The following EPHA6 variants were observed in gnomAD, a reference collection of about 807,000 sequenced individuals.
The protein encoded by EPHA6 is EPH receptor A6.
Under a neutral mutation model 112.0 loss-of-function variants are expected in EPHA6, and 50 were observed. That is an observed-to-expected ratio of 0.45 (90% CI 0.36 to 0.56). The LOEUF is 0.56. Ranked by LOEUF, EPHA6 falls within the 20% of genes least tolerant of loss-of-function variation. The pLI, the probability that EPHA6 is intolerant of heterozygous loss-of-function variation, is 0.00. For synonymous variants in EPHA6, 529 were observed against 490.7 expected, an observed-to-expected ratio of 1.08 and a Z score of -1.03; for missense variants, 1,280 against 1,417.4, an observed-to-expected ratio of 0.90 and a Z score of 1.56.
intron 2 of EPHA6, among the ~76,000 whole-genome samples, chr3:96,977,541 A>C (rs1350840785): frequency 6.6e-6 from 1 of 152,200 alleles, no homozygotes; most frequent in Non-Finnish European, 1.5e-5. Context: ...TTATCATTTA[A>C]AAATATTAAG....
At chr3:97,121,603 C>T (rs767454391) in intron 3 of EPHA6, among the ~76,000 whole-genome samples, 1 of 152,002 alleles carries the variant, frequency 6.6e-6, no homozygotes, top group African/African-American at 2.4e-5. Flanking sequence ...CCATTGTTAC[C>T]ACGTGATGGA....
intron 3 of EPHA6, among the ~76,000 whole-genome samples, chr3:97,116,306 C>A (rs1167292928): frequency 1.3e-5 from 2 of 151,498 alleles, no homozygotes; most frequent in African/African-American, 4.8e-5. Context: ...AAAATGATGA[C>A]CACAGTAAAT....
chr3:97,648,938 A>G (rs2107602624), intron 14 of EPHA6, among the ~76,000 whole-genome samples: 1 of 152,040 alleles, frequency 6.6e-6, no homozygotes, highest in South Asian at 2.1e-4. Flanking sequence ...CTCTAACTCT[A>G]CCCTAGTTCA....
chr3:97,030,265 C>G (rs993017082), intron 3 of EPHA6, among the ~76,000 whole-genome samples: 1 of 152,080 alleles, frequency 6.6e-6, no homozygotes, highest in African/African-American at 2.4e-5. Flanking sequence ...GGACACTCAT[C>G]AAATCATTTG....
intron 12 of EPHA6, among the ~76,000 whole-genome samples, chr3:97,606,459 T>C (rs2093680812): frequency 6.6e-6 from 1 of 151,204 alleles, no homozygotes. Context: ...AAGGGTTTAA[T>C]AAAGTGAGGA....
intron 10 of EPHA6, among the ~76,000 whole-genome samples, chr3:97,530,623 T>A (rs1402149233): frequency 6.6e-6 from 1 of 151,980 alleles, no homozygotes; most frequent in Non-Finnish European, 1.5e-5. Context: ...ATTATTCTTG[T>A]GTTTGTTGCC....
chr3:97,264,505 C>A (rs1207869194), intron 5 of EPHA6, among the ~76,000 whole-genome samples: 1 of 152,186 alleles, frequency 6.6e-6, no homozygotes, highest in Non-Finnish European at 1.5e-5. Context: ...CTGCAGGGAC[C>A]CAAAGAGGGA....
chr3:97,696,875 A>G (rs1047884457), intron 14 of EPHA6, among the ~76,000 whole-genome samples: 5 of 152,168 alleles, frequency 3.3e-5, no homozygotes, highest in African/African-American at 1.2e-4. Context: ...GCCAAGCCTC[A>G]ACCATTGCTG....
Position 97,180,610 on chromosome 3 carries a change from G to T in EPHA6, c.1115-45654G>T, listed in dbSNP as rs890047279. Reference sequence around the variant, plus strand: ...CTGGGTCTTTTCCTTCAAGGTAGCAGGTTTCCCTCTGACCTAGAGTGTGTC... The same window carrying T: ...CTGGGTCTTTTCCTTCAAGGTAGCATGTTTCCCTCTGACCTAGAGTGTGTC... On this transcript the variant is annotated intron_variant, in intron 3 of 17. Transcript: ENST00000389672. 2.0e-5 allele frequency among the ~76,000 whole-genome samples: 3 copies of T among 152,046 alleles called. 1 individual carries two copies. The highest frequency in any genetic ancestry group is 7.2e-5 in the African/African-American group (3 of 41,420).
At chr3:97,466,649 T>G (rs913264274) in intron 7 of EPHA6, among the ~76,000 whole-genome samples, 3 of 151,926 alleles carry the variant, frequency 2.0e-5, no homozygotes, top group Admixed American at 1.3e-4. Context: ...AAATGGCAAT[T>G]TTCATTAAAC....
chr3:97,168,954 A>C (rs559049787), intron 3 of EPHA6, among the ~76,000 whole-genome samples: 1 of 152,228 alleles, frequency 6.6e-6, no homozygotes, highest in South Asian at 2.1e-4. Context: ...AAAGTTTGGA[A>C]CTAGAGAGTT....
chr3:97,178,830 G>T (rs2076907013), intron 3 of EPHA6, among the ~76,000 whole-genome samples: 1 of 151,972 alleles, frequency 6.6e-6, no homozygotes, highest in African/African-American at 2.4e-5. Flanking sequence ...GGTAGTCTTT[G>T]GGTTAAATCT....
At chr3:97,047,714 ATAG>A (rs1034580153) in intron 3 of EPHA6, among the ~76,000 whole-genome samples, 26 of 147,314 alleles carry the variant, frequency 1.8e-4, no homozygotes, top group East Asian at 3.9e-4. Flanking sequence ...TATTTGTAAA[ATAG>A]TAGTACAGAG....
At chr3:97,099,271 A>T (rs984492461) in intron 3 of EPHA6, among the ~76,000 whole-genome samples, 2 of 97,236 alleles carry the variant, frequency 2.1e-5, no homozygotes, top group Non-Finnish European at 1.8e-5. Flanking sequence ...AAATCTAAAT[A>T]TTTTTTTCCT....
intron 5 of EPHA6, among the ~76,000 whole-genome samples, chr3:97,270,241 C>A (rs1019918405): frequency 1.3e-5 from 2 of 151,740 alleles, no homozygotes; most frequent in African/African-American, 4.8e-5. Context: ...AAATCTTTAC[C>A]CCTACTGACT....
chr3:97,720,307 A>G lies in EPHA6; in HGVS notation c.2831A>G (p.Tyr944Cys). 6.2e-7 allele frequency: 1 copy of G among 1,610,872 alleles called. No homozygotes were observed. The highest frequency in any genetic ancestry group is 1.1e-5 in the South Asian group (1 of 90,354). ...TGGACAGCCCCAGAAGCCATCGCCT[A>G]CAGAAAATTCTCCTCAGCAAGCGAT... is the stretch of plus-strand genomic sequence containing the variant. ...IRWTAPEAIA[Y>C]RKFSSASDAW... Residue 944 changes from tyrosine to cysteine, a missense_variant, in exon 15 of 18, where the codon TAC becomes TGC. Around this residue, in one of 4 missense-constraint regions of EPHA6, gnomAD observed 37 missense variants for 92.9 expected, o/e 0.40. Coordinates refer to ENST00000389672, the MANE Select transcript of EPHA6 (RefSeq NM_001080448.3).
At chr3:97,636,055 C>T (rs2093942136) in intron 13 of EPHA6, among the ~76,000 whole-genome samples, 1 of 151,958 alleles carries the variant, frequency 6.6e-6, no homozygotes, top group Admixed American at 6.6e-5. Context: ...AGGAGCTGTG[C>T]TGTCTGCTTT....
intron 2 of EPHA6, among the ~76,000 whole-genome samples, chr3:96,922,392 G>C (rs1448861554): frequency 6.6e-6 from 1 of 152,142 alleles, no homozygotes; most frequent in Non-Finnish European, 1.5e-5. Context: ...GAAAAAGGAA[G>C]AAACGTTACC....
At chr3:97,127,029 G>A (rs990642730) in intron 3 of EPHA6, among the ~76,000 whole-genome samples, 1 of 151,996 alleles carries the variant, frequency 6.6e-6, no homozygotes, top group African/African-American at 2.4e-5. Flanking sequence ...CTAGATTCAT[G>A]GCTGAGGTCC....
Sources: allele counts gnomAD v4.1 joint callset (sites outside exome capture counted in the v4.1 genomes callset), GRCh38; gene constraint gnomAD v4.1.1; regional missense constraint gnomAD v4.1.1; transcripts MANE v1.5; gene names NCBI Gene and HGNC (gene_info 2026-07-23, HGNC 2026-07-21).